The following EPHB2 variants were observed in gnomAD, a reference collection of about 807,000 sequenced individuals.
The protein encoded by EPHB2 is EPH receptor B2, also known as ephrin type-B receptor 2.
Under a neutral mutation model 96.4 loss-of-function variants are expected in EPHB2, and 18 were observed. The observed-to-expected ratio is 0.19, with a 90% confidence interval of 0.13 to 0.28. The LOEUF (loss-of-function observed/expected upper bound fraction) is 0.28, where lower values mean the gene tolerates loss of function less well. Ranked by LOEUF, EPHB2 falls within the 10% of genes least tolerant of loss-of-function variation. The pLI, the probability that EPHB2 is intolerant of heterozygous loss-of-function variation, is 1.00. For missense variants in EPHB2, 989 were observed against 1,355.4 expected (o/e 0.73, Z 4.25); for synonymous variants, 506 against 534.1 (o/e 0.95, Z 0.72).
chr1:22,907,374 C>A (rs1463988743), intron 11 of EPHB2, among the ~76,000 whole-genome samples: 1 of 152,218 alleles, frequency 6.6e-6, no homozygotes, highest in Admixed American at 6.5e-5. Flanking sequence ...GACCTCTCAT[C>A]CAGGTTTTCA....
chr1:22,736,708 G>A (rs539615600), intron 1 of EPHB2, among the ~76,000 whole-genome samples: 5 of 152,336 alleles, frequency 3.3e-5, no homozygotes, highest in African/African-American at 1.2e-4. Context: ...GGATAAAGGC[G>A]CTGCCCAGAC....
At chr1:22,786,347 G>T (rs1463264222) in intron 3 of EPHB2, among the ~76,000 whole-genome samples, 2 of 152,172 alleles carry the variant, frequency 1.3e-5, no homozygotes, top group Non-Finnish European at 2.9e-5. Context: ...GTGGTGCTGG[G>T]GGTATAGGGG....
intron 3 of EPHB2, among the ~76,000 whole-genome samples, chr1:22,793,724 C>T (rs1644729434): frequency 6.6e-6 from 1 of 152,062 alleles, no homozygotes; most frequent in South Asian, 2.1e-4. Flanking sequence ...CCTGTGTGTC[C>T]CGCACTGTGG....
chr1:22,888,533 G>T (rs1195523819), intron 6 of EPHB2, among the ~76,000 whole-genome samples: 1 of 152,184 alleles, frequency 6.6e-6, no homozygotes, highest in Non-Finnish European at 1.5e-5. Flanking sequence ...CTTAAGACAT[G>T]CACCCAATGC....
chr1:22,890,459 C>A (rs1047835685), intron 6 of EPHB2, among the ~76,000 whole-genome samples: 4 of 152,082 alleles, frequency 2.6e-5, no homozygotes, highest in Admixed American at 2.6e-4. Flanking sequence ...CTTCATATCC[C>A]CTACATCCCA....
Position 22,780,944 on chromosome 1 carries a change from G to A in EPHB2, c.62-477G>A, listed in dbSNP as rs149900137. 3.1e-3 allele frequency among the ~76,000 whole-genome samples: 467 copies of A among 152,140 alleles called. 2 individuals are homozygous for A. The highest frequency in any genetic ancestry group is 6.8e-3 in the Middle Eastern group (2 of 294). On this transcript the variant is annotated intron_variant, in intron 1 of 15. Coordinates refer to ENST00000374630, the MANE Select transcript of EPHB2 (RefSeq NM_017449.5). ...GGAGTAGAGAGGCGGAGTCTAAACC[G>A]AGGGCAGTCTGGAGAGTTAGAGTCA... is the stretch of plus-strand genomic sequence containing the variant.
At chr1:22,777,719 C>T (rs1478123387) in intron 1 of EPHB2, among the ~76,000 whole-genome samples, 1 of 152,154 alleles carries the variant, frequency 6.6e-6, no homozygotes, top group African/African-American at 2.4e-5. Context: ...CAGATGTTGG[C>T]AGGCATATCT....
In EPHB2 at chr1:22,784,753, T is replaced by G; in HGVS notation, c.488T>G (p.Val163Gly). 1 of 1,611,716 alleles carries G rather than the reference T, an allele frequency of 6.2e-7. No individual in the cohort carries two copies. The highest frequency in any genetic ancestry group is 8.5e-7 in the Non-Finnish European group (1 of 1,178,212). ...CGCGTCATGAAAATCAACACCGAGG[T>G]GCGGAGCTTCGGACCTGTGTCCCGC... ...GGRVMKINTE[V>G]RSFGPVSRSG... The change falls in exon 3 of 16, where the codon GTG becomes GGG. Residue 163 changes from valine (V) to glycine (G), a missense_variant. Coordinates refer to ENST00000374630, the MANE Select transcript of EPHB2 (RefSeq NM_017449.5). This position sits in a 1 kb window ranked among gnomAD's most constrained non-coding sequence, Gnocchi z 5.1.
Position 22,896,445 on chromosome 1 carries a change from A to C in EPHB2, c.1732A>C (p.Thr578Pro). Residue 578 changes from threonine to proline, a missense_variant, in exon 9 of 16, where the codon ACG becomes CCG. By Grantham distance (38) the Thr-to-Pro change is conservative (BLOSUM62 -1). Coordinates refer to ENST00000374630, the MANE Select transcript of EPHB2 (RefSeq NM_017449.5). ...RGFERADSEY[T>P]DKLQHYTSGH... ...GTTTGAGCGTGCTGACTCGGAGTAC[A>C]CGGACAAGCTGCAACACTACACCAG... The C allele has an allele frequency of 6.2e-7, 1 of 1,614,160 alleles. No individual in the cohort carries two copies. The highest frequency in any genetic ancestry group is 8.5e-7 in the Non-Finnish European group (1 of 1,180,024).
intron 3 of EPHB2, among the ~76,000 whole-genome samples, chr1:22,853,565 C>G (rs1205088431): frequency 6.6e-6 from 1 of 152,210 alleles, no homozygotes. Context: ...AGAAAAGGAC[C>G]AACAGTTGAT....
intron 3 of EPHB2, among the ~76,000 whole-genome samples, chr1:22,811,612 C>G (rs549218169): frequency 9.8e-5 from 15 of 152,300 alleles, no homozygotes; most frequent in Admixed American, 3.9e-4. Context: ...GATTCCTTGT[C>G]ACCTAATTTC....
At chr1:22,890,030 G>A (rs1639342649) in intron 6 of EPHB2, among the ~76,000 whole-genome samples, 1 of 152,142 alleles carries the variant, frequency 6.6e-6, no homozygotes, top group Non-Finnish European at 1.5e-5. Flanking sequence ...GGAAACATTA[G>A]GGATGTTGCA....
chr1:22,839,218 G>T (rs1009582823), intron 3 of EPHB2, among the ~76,000 whole-genome samples: 1 of 152,140 alleles, frequency 6.6e-6, no homozygotes, highest in Non-Finnish European at 1.5e-5. Context: ...GAATCTCAAC[G>T]CAACACTCTG....
Position 22,784,964 on chromosome 1 carries a change from G to T in EPHB2, c.699G>T (p.Val233=), listed in dbSNP as rs771695270. The change falls in exon 3 of 16, where the codon GTG becomes GTT. Residue 233 remains valine, a synonymous_variant. Coordinates refer to ENST00000374630, the MANE Select transcript of EPHB2 (RefSeq NM_017449.5). This position sits in a 1 kb window ranked among gnomAD's most constrained non-coding sequence, Gnocchi z 5.1. ...GCTGCATCGCCAATGCGGAAGAGGT[G>T]GATGTACCCATCAAGCTCTACTGTA... ...RGSCIANAEE[V]DVPIKLYCNG... The T allele has an allele frequency of 6.2e-7, 1 of 1,613,998 alleles. No individual in the cohort carries two copies. The highest frequency in any genetic ancestry group is 1.1e-5 in the South Asian group (1 of 91,090).
intron 3 of EPHB2, among the ~76,000 whole-genome samples, chr1:22,854,243 G>A (rs1247907829): frequency 6.6e-6 from 1 of 152,182 alleles, no homozygotes; most frequent in Non-Finnish European, 1.5e-5. Flanking sequence ...GGGCATAGTG[G>A]CTCACACCTG....
chr1:22,907,069 G>A, intron 11 of EPHB2, 112 bp downstream of exon 11: 1 of 1,409,660 alleles, frequency 7.1e-7, no homozygotes, highest in Non-Finnish European at 9.4e-7. Flanking sequence ...TCTAGGTCAG[G>A]AATGGCTTGC....
intron 3 of EPHB2, among the ~76,000 whole-genome samples, chr1:22,838,970 A>T (rs1249706832): frequency 7.0e-6 from 1 of 141,982 alleles, no homozygotes; most frequent in Non-Finnish European, 1.6e-5. Context: ...AAAGAAAAAA[A>T]GAAAAATCAT....
chr1:22,778,077 G>T (rs1008410860), intron 1 of EPHB2, among the ~76,000 whole-genome samples: 1 of 152,150 alleles, frequency 6.6e-6, no homozygotes, highest in African/African-American at 2.4e-5. Context: ...CCAGGCTGGC[G>T]TGCAATGGTG....
chr1:22,711,906 G>A (rs1267516755), intron 1 of EPHB2, among the ~76,000 whole-genome samples: 2 of 152,188 alleles, frequency 1.3e-5, no homozygotes, highest in Non-Finnish European at 2.9e-5. Context: ...TAGGTCTCCC[G>A]AGCCAGCTTG....
Sources: gnomAD v4.1 joint callset for allele counts (sites outside exome capture counted in the v4.1 genomes callset) on GRCh38, gnomAD v4.1.1 for gene constraint, Gnocchi (gnomAD v3.1) non-coding constraint, MANE v1.5 for transcripts, NCBI Gene and HGNC (gene_info 2026-07-23, HGNC 2026-07-21) for gene names.